Variants in PDE4D observed in about 807,000 individuals in gnomAD.
PDE4D encodes the protein 3',5'-cyclic-AMP phosphodiesterase 4D.
A neutral mutation model predicts 87.4 loss-of-function variants in PDE4D; 24 were observed. The observed-to-expected ratio is 0.27, with a 90% CI of 0.20 to 0.39. The LOEUF (loss-of-function observed/expected upper bound fraction) is 0.39, where lower values mean the gene tolerates loss of function less well. PDE4D is among the 10% of genes least tolerant of loss of function. PDE4D has a pLI of 1.00. For missense variants in PDE4D, 714 were observed against 1,041.0 expected (o/e 0.69, Z 4.32); for synonymous variants, 384 against 383.2 (o/e 1.00, Z -0.02).
At chr5:59,875,437 G>A (rs186376533) in intron 1 of PDE4D, among the ~76,000 whole-genome samples, 146 of 117,744 alleles carry the variant, frequency 1.2e-3, no homozygotes, top group African/African-American at 4.1e-3. Context: ...CTCCAGCCTC[G>A]TGACCAAGTG....
chr5:59,745,295 A>C (rs1181103702), intron 1 of PDE4D, among the ~76,000 whole-genome samples: 1 of 152,156 alleles, frequency 6.6e-6, no homozygotes, highest in Non-Finnish European at 1.5e-5. Context: ...GGGTGATGCT[A>C]GTTATAATTC....
intron 1 of PDE4D, among the ~76,000 whole-genome samples, chr5:59,240,966 TG>T (rs1757550008): frequency 6.6e-6 from 1 of 152,144 alleles, no homozygotes; most frequent in South Asian, 2.1e-4. Flanking sequence ...ATTTTAAAAA[TG>T]GGAATGAAAA....
At chr5:59,325,274 G>C (rs1357663292) in intron 1 of PDE4D, among the ~76,000 whole-genome samples, 1 of 152,086 alleles carries the variant, frequency 6.6e-6, no homozygotes, top group African/African-American at 2.4e-5. Flanking sequence ...TCTGATCAAA[G>C]ATCCAAGAAA....
chr5:59,969,331 G>C (rs890525430), intron 3 of PDE4D, among the ~76,000 whole-genome samples: 2 of 152,064 alleles, frequency 1.3e-5, no homozygotes, highest in East Asian at 3.9e-4. Flanking sequence ...TATTTTATTA[G>C]GAGGAAAGAT....
At chr5:59,220,131 A>G (rs1752161466) in intron 1 of PDE4D, among the ~76,000 whole-genome samples, 4 of 152,292 alleles carry the variant, frequency 2.6e-5, no homozygotes, top group African/African-American at 9.6e-5. Context: ...ACACAAATCA[A>G]CTTTTAACAT....
intron 2 of PDE4D, among the ~76,000 whole-genome samples, chr5:60,084,755 C>A (rs907745125): frequency 6.6e-6 from 1 of 152,184 alleles, no homozygotes; most frequent in Non-Finnish European, 1.5e-5. Flanking sequence ...AGTCAGCAGT[C>A]ATGTATTATT....
chr5:59,620,708 G>T (rs551454003), intron 1 of PDE4D, among the ~76,000 whole-genome samples: 1 of 152,290 alleles, frequency 6.6e-6, no homozygotes, highest in Admixed American at 6.5e-5. Context: ...ACCAAAGCAT[G>T]AATACTTTTA....
intron 1 of PDE4D, among the ~76,000 whole-genome samples, chr5:59,557,004 A>T (rs1161714536): frequency 6.6e-6 from 1 of 152,216 alleles, no homozygotes; most frequent in Admixed American, 6.5e-5. Context: ...TATAACCTTA[A>T]TGAAATGCCA....
At chr5:60,017,194 T>C (rs1582195138) in intron 2 of PDE4D, among the ~76,000 whole-genome samples, 1 of 152,208 alleles carries the variant, frequency 6.6e-6, no homozygotes, top group Non-Finnish European at 1.5e-5. Context: ...ATAGTGGGCT[T>C]AAAATATTCA....
intron 6 of PDE4D, among the ~76,000 whole-genome samples, chr5:59,024,141 A>ATCCACCTGCC (rs796866883): frequency 1.3e-5 from 2 of 148,912 alleles, no homozygotes; most frequent in African/African-American, 5.0e-5. Flanking sequence ...GCCTCATGTG[A>ATCCACCTGCC]TCGACCTCCC....
chr5:59,867,562 G>A (rs1258233579), intron 1 of PDE4D, among the ~76,000 whole-genome samples: 1 of 151,974 alleles, frequency 6.6e-6, no homozygotes, highest in Non-Finnish European at 1.5e-5. Context: ...TCCTTCCTTT[G>A]ACTTGGGAAT....
At chr5:60,318,719 G>T (rs4400087) in intron 1 of PDE4D, among the ~76,000 whole-genome samples, 100,913 of 151,216 alleles carry the variant, frequency 0.67, 35,047 homozygotes, top group African/African-American at 0.88. Flanking sequence ...GTCTGTAAAG[G>T]ATTTTATTTC....
intron 5 of PDE4D, among the ~76,000 whole-genome samples, chr5:59,075,078 ACACACAC>A (rs1475769649): frequency 1.0e-4 from 5 of 47,850 alleles, no homozygotes; most frequent in African/African-American, 6.7e-4. Context: ...CTTACAAAAC[ACACACAC>A]ACACACACAC....
At chr5:59,892,308 C>T (rs1751069100) in intron 1 of PDE4D, among the ~76,000 whole-genome samples, 1 of 152,184 alleles carries the variant, frequency 6.6e-6, no homozygotes, top group African/African-American at 2.4e-5. Flanking sequence ...GCTTCCCTGC[C>T]CTGTCTTCCG....
intron 5 of PDE4D, among the ~76,000 whole-genome samples, chr5:59,108,745 C>G (rs4700320): frequency 6.6e-6 from 1 of 151,462 alleles, no homozygotes. Context: ...AATACAACAA[C>G]GACAAAAAAT....
intron 1 of PDE4D, among the ~76,000 whole-genome samples, chr5:59,829,510 A>G (rs1740857964): frequency 6.6e-6 from 1 of 151,868 alleles, no homozygotes. Context: ...TTTCAGCAGC[A>G]CTCTCTTCCG....
At chr5:60,107,927 C>T (rs546404805) in intron 2 of PDE4D, among the ~76,000 whole-genome samples, 1 of 152,206 alleles carries the variant, frequency 6.6e-6, no homozygotes, top group Admixed American at 6.5e-5. Flanking sequence ...AAACTAGAAT[C>T]ATTCCGTTTG....
intron 5 of PDE4D, among the ~76,000 whole-genome samples, chr5:59,057,195 C>G (rs781261834): frequency 1.3e-5 from 2 of 152,176 alleles, no homozygotes; most frequent in Non-Finnish European, 2.9e-5. Context: ...ATCCCTGTTC[C>G]TCTTAATCCT....
At chr5:60,379,197 A>G (rs370364092) in intron 1 of PDE4D, among the ~76,000 whole-genome samples, 5 of 151,756 alleles carry the variant, frequency 3.3e-5, no homozygotes, top group African/African-American at 1.2e-4. Flanking sequence ...AAAAGAAAAA[A>G]AAAAAAACAT....
Sources: gnomAD v4.1 joint callset for allele counts (sites outside exome capture counted in the v4.1 genomes callset) on GRCh38, gnomAD v4.1.1 for gene constraint, MANE v1.5 for transcripts, NCBI Gene and HGNC (gene_info 2026-07-23, HGNC 2026-07-21) for gene names.